TMEM229B: variants seen among roughly 807,000 people sequenced by gnomAD.
TMEM229B encodes the protein chromosome 14 open reading frame 83.
A neutral mutation model predicts 13.7 loss-of-function variants in TMEM229B; 6 were observed. The ratio of observed to expected loss-of-function variants is 0.44; its 90% CI spans 0.24 to 0.86. The LOEUF is 0.86. Ranked by LOEUF, TMEM229B falls within the 40% of genes least tolerant of loss-of-function variation. The pLI is 0.23. For synonymous variants in TMEM229B, 107 were observed against 102.1 expected (o/e 1.05, Z -0.29); for missense variants, 170 against 236.0 (o/e 0.72, Z 1.83).
intron 1 of TMEM229B, among the ~76,000 whole-genome samples, chr14:67,525,055 C>G (rs2033346291): frequency 6.6e-6 from 1 of 152,158 alleles, no homozygotes; most frequent in Non-Finnish European, 1.5e-5. Flanking sequence ...AGGATCAATA[C>G]TTTTAAAACA....
chr14:67,486,656 C>T (rs1433951871), intron 2 of TMEM229B, among the ~76,000 whole-genome samples: 4 of 152,138 alleles, frequency 2.6e-5, no homozygotes, highest in Non-Finnish European at 4.4e-5. Context: ...TGACTTGCTT[C>T]CCCTTGCCTT....
chr14:67,530,105 C>T (rs2033423169), intron 1 of TMEM229B, among the ~76,000 whole-genome samples: 1 of 152,198 alleles, frequency 6.6e-6, no homozygotes. Context: ...GTCTCTCAAG[C>T]CATCTGCTTA....
At chr14:67,530,925 C>T (rs2140286630) in intron 1 of TMEM229B, among the ~76,000 whole-genome samples, 1 of 152,304 alleles carries the variant, frequency 6.6e-6, no homozygotes, top group East Asian at 1.9e-4. Context: ...CCTCTCACGT[C>T]CCATGGCAGC....
chr14:67,509,571 G>A (rs960248276), intron 1 of TMEM229B, among the ~76,000 whole-genome samples: 2 of 152,068 alleles, frequency 1.3e-5, no homozygotes, highest in Non-Finnish European at 2.9e-5. Context: ...CACCCACCTC[G>A]GCCTCCTAAA....
upstream of TMEM229B, among the ~76,000 whole-genome samples, chr14:67,520,113 A>G (rs1297489347): frequency 2.0e-5 from 3 of 152,198 alleles, no homozygotes; most frequent in Admixed American, 6.5e-5. Flanking sequence ...CCACACATGC[A>G]TAGACTTCCC....
intron 1 of TMEM229B, among the ~76,000 whole-genome samples, chr14:67,498,669 T>G (rs2032486863): frequency 6.6e-6 from 1 of 152,176 alleles, no homozygotes; most frequent in South Asian, 2.1e-4. Context: ...TTTGTTGTTG[T>G]TGGTTTTCCT....
chr14:67,511,822 G>T (rs1885037), intron 1 of TMEM229B, among the ~76,000 whole-genome samples: 134,530 of 152,030 alleles, frequency 0.88, 60,262 homozygotes, highest in Non-Finnish European at 0.95. Context: ...GGCCACACTG[G>T]GTATAAATGC....
At chr14:67,507,039 T>C (rs1455119950) in intron 1 of TMEM229B, among the ~76,000 whole-genome samples, 1 of 152,056 alleles carries the variant, frequency 6.6e-6, no homozygotes, top group Non-Finnish European at 1.5e-5. Flanking sequence ...GAACTGAAGA[T>C]AGCCTAGCCA....
At chr14:67,504,918 C>T (rs2032764465) in intron 1 of TMEM229B, among the ~76,000 whole-genome samples, 1 of 151,828 alleles carries the variant, frequency 6.6e-6, no homozygotes, top group Admixed American at 6.6e-5. Flanking sequence ...AAAACAAAAA[C>T]ACAATAGAAC....
At chr14:67,479,500 C>T (rs2031449739) in intron 2 of TMEM229B, among the ~76,000 whole-genome samples, 1 of 138,160 alleles carries the variant, frequency 7.2e-6, no homozygotes, top group African/African-American at 2.7e-5. Context: ...GGTAGATCAC[C>T]TGAGGTCAGG....
At chr14:67,526,929 G>A (rs2140279977) in intron 1 of TMEM229B, among the ~76,000 whole-genome samples, 1 of 152,300 alleles carries the variant, frequency 6.6e-6, no homozygotes, top group East Asian at 1.9e-4. Flanking sequence ...AAAACCCTGA[G>A]CACAACAAGG....
chr14:67,531,637 A>G (rs1211772018), intron 1 of TMEM229B, among the ~76,000 whole-genome samples: 3 of 150,728 alleles, frequency 2.0e-5, no homozygotes, highest in African/African-American at 7.3e-5. Flanking sequence ...TTCTGGGCCG[A>G]GGTGCGGTGG....
upstream of TMEM229B, among the ~76,000 whole-genome samples, chr14:67,492,706 C>T (rs1238301516): frequency 1.3e-5 from 2 of 152,238 alleles, no homozygotes; most frequent in African/African-American, 4.8e-5. Context: ...ACAGCCAAGC[C>T]ACCTAGAGAT....
chr14:67,527,419 C>T (rs558682711), intron 1 of TMEM229B, among the ~76,000 whole-genome samples: 1 of 152,178 alleles, frequency 6.6e-6, no homozygotes, highest in South Asian at 2.1e-4. Context: ...GCCTGGGCAA[C>T]AAGAGTGAAA....
At chr14:67,489,801 T>C (rs146097852), upstream of TMEM229B, among the ~76,000 whole-genome samples, 870 of 152,228 alleles carry the variant, frequency 5.7e-3, 9 homozygotes, top group African/African-American at 0.02. Context: ...CCATCCTGGC[T>C]AACATGGTGA....
chr14:67,512,497 A>T (rs2033059847), intron 1 of TMEM229B, among the ~76,000 whole-genome samples: 1 of 152,142 alleles, frequency 6.6e-6, no homozygotes. Context: ...TCAAAAATAC[A>T]CCCAGACCAC....
chr14:67,496,400 T>G (rs939850812), intron 1 of TMEM229B, among the ~76,000 whole-genome samples: 1 of 123,166 alleles, frequency 8.1e-6, no homozygotes, highest in Admixed American at 8.5e-5. Context: ...CGTTTTTTTT[T>G]TTTTTTTTTT....
At chr14:67,496,007 C>G (rs1405073190) in intron 1 of TMEM229B, among the ~76,000 whole-genome samples, 1 of 152,186 alleles carries the variant, frequency 6.6e-6, no homozygotes, top group African/African-American at 2.4e-5. Flanking sequence ...ACTGTCACAG[C>G]TGTGTGTGGC....
At chr14:67,524,754 C>T (rs2033342245) in intron 1 of TMEM229B, among the ~76,000 whole-genome samples, 1 of 152,194 alleles carries the variant, frequency 6.6e-6, no homozygotes, top group Admixed American at 6.5e-5. Flanking sequence ...TCCAGTAATG[C>T]TGTTGTGGTC....
Sources: gnomAD v4.1 joint callset for allele counts (sites outside exome capture counted in the v4.1 genomes callset) on GRCh38, gnomAD v4.1.1 for gene constraint, MANE v1.5 for transcripts, NCBI Gene and HGNC (gene_info 2026-07-23, HGNC 2026-07-21) for gene names.